Variants in TTLL11 observed in about 807,000 individuals in gnomAD.
TTLL11 encodes the protein tubulin tyrosine ligase like 11, also known as tubulin polyglutamylase TTLL11.
A neutral mutation model predicts 51.7 loss-of-function variants in TTLL11; 42 were observed. The observed-to-expected ratio is 0.81, with a 90% confidence interval of 0.64 to 1.05. The LOEUF is 1.05. Among genes scored for constraint, TTLL11 ranks in the 50% least tolerant of loss-of-function variants. The pLI is 0.00. For missense variants in TTLL11, 799 were observed against 940.4 expected, an observed-to-expected ratio of 0.85 and a Z score of 1.97; for synonymous variants, 381 against 383.5, an observed-to-expected ratio of 0.99 and a Z score of 0.08.
At chr9:122,058,632 G>C (rs997930581) in intron 1 of TTLL11, among the ~76,000 whole-genome samples, 11 of 152,156 alleles carry the variant, frequency 7.2e-5, no homozygotes, top group African/African-American at 2.7e-4. Context: ...GGGGACTAGC[G>C]CGTATGGCCA....
chr9:121,988,365 G>T (rs984807656), intron 4 of TTLL11, among the ~76,000 whole-genome samples: 2 of 147,036 alleles, frequency 1.4e-5, no homozygotes, highest in African/African-American at 5.2e-5. Flanking sequence ...CCACCCCCCC[G>T]AACCAATACC....
chr9:122,013,342 C>G (rs1027562592), intron 3 of TTLL11, among the ~76,000 whole-genome samples: 9 of 152,150 alleles, frequency 5.9e-5, no homozygotes, highest in Non-Finnish European at 1.2e-4. Context: ...ACATTCAAGG[C>G]AGCAGGGGTA....
intron 3 of TTLL11, among the ~76,000 whole-genome samples, chr9:121,998,035 T>C (rs1225128251): frequency 2.0e-5 from 3 of 152,180 alleles, no homozygotes; most frequent in Admixed American, 6.5e-5. Context: ...GCCTGGAACA[T>C]AACACTCCAC....
At chr9:121,889,728 C>T (rs557684655) in intron 6 of TTLL11, among the ~76,000 whole-genome samples, 70 of 152,234 alleles carry the variant, frequency 4.6e-4, no homozygotes, top group Non-Finnish European at 7.5e-4. Context: ...GGTGAAACCC[C>T]GTCTCTACTA....
At chr9:121,825,039 G>A (rs1280558825) in intron 8 of TTLL11, among the ~76,000 whole-genome samples, 1 of 152,186 alleles carries the variant, frequency 6.6e-6, no homozygotes, top group African/African-American at 2.4e-5. Flanking sequence ...CTGATATGAG[G>A]AGTTGATAAA....
intron 1 of TTLL11, among the ~76,000 whole-genome samples, chr9:122,050,255 T>C (rs899979535): frequency 6.6e-6 from 1 of 152,254 alleles, no homozygotes; most frequent in East Asian, 1.9e-4. Context: ...TTATTTTTAA[T>C]GTCCAAGGAA....
chr9:121,938,181 C>T (rs144655704), intron 6 of TTLL11, among the ~76,000 whole-genome samples: 12,641 of 151,302 alleles, frequency 0.084, 839 homozygotes, highest in African/African-American at 0.19. Flanking sequence ...CCCCGCTACT[C>T]GGGAGGCTGA....
intron 6 of TTLL11, chr9:121,885,578 A>G (rs1411359067): frequency 6.6e-6 from 1 of 152,200 alleles, no homozygotes; most frequent in Non-Finnish European, 1.5e-5. Context: ...CCGTTTCCCT[A>G]TGAGACACAG....
At chr9:121,964,189 G>A (rs957613989) in intron 6 of TTLL11, among the ~76,000 whole-genome samples, 2 of 151,284 alleles carry the variant, frequency 1.3e-5, no homozygotes, top group East Asian at 1.9e-4. Context: ...AAAAGGTTTC[G>A]AATACTGTGC....
intron 4 of TTLL11, among the ~76,000 whole-genome samples, chr9:121,980,434 A>G (rs1271563252): frequency 2.0e-5 from 3 of 152,230 alleles, no homozygotes; most frequent in Non-Finnish European, 4.4e-5. Flanking sequence ...GAAAAGCACC[A>G]AAAGCTCTGA....
At position 122,048,279 on chromosome 9, in the gene TTLL11, G is replaced by A. The variant is rs575582705; in HGVS notation, c.463-8911C>T. ...ACTCCTAGCCTCAAGTGATCCTCCC[G>A]CATCAGCCTCCCTAGTAGCTGGAAC... is the stretch of plus-strand genomic sequence containing the variant. On this transcript the variant is annotated intron_variant, in intron 1 of 8. Coordinates refer to ENST00000321582, the MANE Select transcript of TTLL11 (RefSeq NM_001139442.2). 4.2e-3 allele frequency among the ~76,000 whole-genome samples: 632 copies of A among 152,094 alleles called. 7 individuals carry two copies. The highest frequency in any genetic ancestry group is 0.014 in the African/African-American group (592 of 41,510).
At chr9:121,954,585 G>A (rs1841960712) in intron 6 of TTLL11, among the ~76,000 whole-genome samples, 1 of 152,060 alleles carries the variant, frequency 6.6e-6, no homozygotes, top group African/African-American at 2.4e-5. Context: ...TGAATGCAGG[G>A]GAGAAGCAAA....
At chr9:122,037,848 T>C (rs1418698083) in intron 2 of TTLL11, among the ~76,000 whole-genome samples, 2 of 152,198 alleles carry the variant, frequency 1.3e-5, no homozygotes, top group Non-Finnish European at 2.9e-5. Context: ...GTGTGGCCTA[T>C]GGTAGTGAAC....
At chr9:121,888,381 A>C (rs1265152541) in intron 6 of TTLL11, among the ~76,000 whole-genome samples, 2 of 152,188 alleles carry the variant, frequency 1.3e-5, no homozygotes, top group African/African-American at 4.8e-5. Context: ...TGGCTTGTTC[A>C]AGGTTTCCCA....
At chr9:121,975,356 A>T (rs1156981600) in intron 4 of TTLL11, among the ~76,000 whole-genome samples, 2 of 152,112 alleles carry the variant, frequency 1.3e-5, no homozygotes. Flanking sequence ...GCTCTCTGAG[A>T]ACCTAAGGCT....
At chr9:121,926,348 G>A (rs1174452030) in intron 6 of TTLL11, among the ~76,000 whole-genome samples, 1 of 152,182 alleles carries the variant, frequency 6.6e-6, no homozygotes, top group Non-Finnish European at 1.5e-5. Context: ...CCAGGTCCGC[G>A]GGTCCCTGCT....
rs939798621 is a variant in TTLL11 at position 121,817,300 on chromosome 9, G to T, written c.*5287C>A. 3 of 152,210 alleles carry T rather than the reference G, an allele frequency of 2.0e-5. No homozygotes were observed. Among genetic ancestry groups the T allele is most frequent in the African/African-American group, 4.8e-5 (2 of 41,424 alleles). The allele number at this position is 152,210 out of a possible 1,614,324, so 9.4% of individuals were successfully genotyped here. On this transcript the variant is annotated 3_prime_UTR_variant, in exon 9 of 9. Coordinates refer to ENST00000321582, the MANE Select transcript of TTLL11 (RefSeq NM_001139442.2). ...GGAATGAAGGGGAGGTGGGGCGTTG[G>T]GGGGAGGGCAGGAGGAGCTGACCAG...
chr9:121,858,725 C>T (rs4075777), intron 8 of TTLL11, among the ~76,000 whole-genome samples: 110,332 of 152,150 alleles, frequency 0.73, 40,242 homozygotes, highest in Middle Eastern at 0.81. Context: ...GCACCATCAG[C>T]GAGGACTCCA....
intron 2 of TTLL11, among the ~76,000 whole-genome samples, chr9:122,032,613 A>T (rs1393621222): frequency 6.7e-6 from 1 of 149,308 alleles, no homozygotes; most frequent in African/African-American, 2.5e-5. Context: ...GAGCCACTGC[A>T]CTCCAGTCTG....
Sources: gnomAD v4.1 joint callset for allele counts (sites outside exome capture counted in the v4.1 genomes callset) on GRCh38, gnomAD v4.1.1 for gene constraint, MANE v1.5 for transcripts, NCBI Gene and HGNC (gene_info 2026-07-23, HGNC 2026-07-21) for gene names.